CHD1: variants seen among roughly 807,000 people sequenced by gnomAD.
The protein encoded by CHD1 is ATP-dependent chromatin remodeler CHD1.
A neutral mutation model predicts 224.2 loss-of-function variants in CHD1; 36 were observed. That is an observed-to-expected ratio of 0.16 (90% CI 0.12 to 0.21). CHD1 has a LOEUF of 0.21. Ranked by LOEUF, CHD1 falls within the 10% of genes least tolerant of loss-of-function variation. CHD1 has a pLI of 1.00. For synonymous variants in CHD1, 668 were observed against 658.3 expected, an observed-to-expected ratio of 1.01 and a Z score of -0.23; for missense variants, 1,378 against 1,994.8, an observed-to-expected ratio of 0.69 and a Z score of 5.89.
At position 98,886,712 on chromosome 5, in the gene CHD1, G is replaced by A. The variant is rs534658216; in HGVS notation, c.2497-1063C>T. 1.4e-4 allele frequency among the ~76,000 whole-genome samples: 21 copies of A among 152,082 alleles called. No individual in the cohort carries two copies. The South Asian group carries it at 4.4e-3, about 32-fold the overall frequency. On this transcript the variant is annotated intron_variant, in intron 17 of 35. Transcript: ENST00000614616. ...TCTTAATTATCACCTACTCAAAGTA[G>A]GAAAACATGTCTATTAAAGTTTTAA... is the stretch of plus-strand genomic sequence containing the variant.
At chr5:98,881,850 G>T in intron 20 of CHD1, 125 bp downstream of exon 20, 1 of 816,252 alleles carries the variant, frequency 1.2e-6, no homozygotes, top group Non-Finnish European at 1.8e-6. Context: ...TTAGTCCAAA[G>T]TCTTCCAAAA....
At chr5:98,887,682 T>G (rs112526762) in intron 17 of CHD1, among the ~76,000 whole-genome samples, 552 of 152,298 alleles carry the variant, frequency 3.6e-3, no homozygotes, top group African/African-American at 0.013. Flanking sequence ...CAGATAACTA[T>G]GAGCACACCA....
intron 1 of CHD1, among the ~76,000 whole-genome samples, chr5:98,927,105 T>C (rs162160): frequency 0.051 from 7,764 of 151,992 alleles, 663 homozygotes; most frequent in African/African-American, 0.18. Context: ...GGTAAACGGA[T>C]AGTGGGATGA....
rs201178921 is a variant in CHD1 at position 98,870,659 on chromosome 5, G to A, written c.3978+28C>T. On this transcript the variant is annotated intron_variant, in intron 29 of 35. Transcript: ENST00000614616. ...AATTTACCTTACTAAAAAGTAAACT[G>A]GTCTTAGGCATGTGGGCTTTAACTT... The A allele has an allele frequency of 9.0e-6, 12 of 1,337,066 alleles. No individual in the cohort carries two copies. The African/African-American group carries it at 1.0e-4, about 12-fold the overall frequency. 82.8% of individuals were successfully genotyped at this position (1,337,066 alleles called of 1,614,324 possible).
chr5:98,919,300 A>T (rs1201154133), intron 2 of CHD1, among the ~76,000 whole-genome samples: 1 of 152,226 alleles, frequency 6.6e-6, no homozygotes, highest in Non-Finnish European at 1.5e-5. Context: ...TAATATATGC[A>T]AATTTTAAAA....
intron 16 of CHD1, among the ~76,000 whole-genome samples, chr5:98,888,744 G>A (rs2112449215): frequency 6.6e-6 from 1 of 152,294 alleles, no homozygotes; most frequent in East Asian, 1.9e-4. Context: ...ATGTCCTTTA[G>A]ATTACCATTT....
In CHD1 at chr5:98,871,054, C is replaced by CCT. The variant is rs200446991; in HGVS notation, c.3862-252_3862-251insAG. ...TATCTTTCAAAATGAAAATAGAAAG[C>CCT]ATAAGGTTGTAAATTTCCTTCAAAT... On this transcript the variant is annotated intron_variant, in intron 28 of 35. Coordinates refer to ENST00000614616, the MANE Select transcript of CHD1 (RefSeq NM_001270.4). 5.6e-3 allele frequency among the ~76,000 whole-genome samples: 849 copies of CCT among 152,000 alleles called. 8 individuals carry two copies. The highest frequency in any genetic ancestry group is 0.019 in the African/African-American group (788 of 41,474).
At chr5:98,894,765 A>G in intron 12 of CHD1, 79 bp from the exon 13 acceptor site, 1 of 616,670 alleles carries the variant, frequency 1.6e-6, no homozygotes, top group South Asian at 1.9e-5. Flanking sequence ...TAAAAATTAA[A>G]ATCCATTCAA....
Position 98,892,689 on chromosome 5 carries a change from T to C in CHD1, c.2016A>G (p.Glu672=). The C allele has an allele frequency of 1.9e-6, 3 of 1,593,462 alleles. No individual in the cohort carries two copies. Among genetic ancestry groups the C allele is most frequent in the Non-Finnish European group, 2.6e-6 (3 of 1,169,582 alleles). ...PEKFSSWEDF[E]EEHGKGREYG... is the part of the protein sequence containing the mutation. The stretch of plus-strand genomic sequence containing the variant: ...ATTCTCTCCCTTTGCCATGTTCTTC[T>C]TCAAAATCTTCCCAGGAAGAAAACC... Residue 672 remains glutamate, a synonymous_variant, in exon 15 of 36, where the codon GAA becomes GAG. Transcript: ENST00000614616.
At chr5:98,859,247 A>C (rs1275574604) in intron 33 of CHD1, among the ~76,000 whole-genome samples, 1 of 152,110 alleles carries the variant, frequency 6.6e-6, no homozygotes, top group Non-Finnish European at 1.5e-5. Context: ...GACTTAACAG[A>C]AAGGTTGCAA....
At chr5:98,885,864 T>C (rs905402011) in intron 17 of CHD1, 2 of 489,754 alleles carry the variant, frequency 4.1e-6, no homozygotes, top group East Asian at 3.3e-5. Context: ...AAATACAGCA[T>C]AGGCTGTCAT....
At chr5:98,908,847 A>G (rs542464824) in intron 2 of CHD1, among the ~76,000 whole-genome samples, 1 of 152,284 alleles carries the variant, frequency 6.6e-6, no homozygotes, top group East Asian at 1.9e-4. Flanking sequence ...TCAATTCACG[A>G]AAGAAAAACC....
At chr5:98,888,988 A>G in intron 16 of CHD1, 88 bp downstream of exon 16, 1 of 803,554 alleles carries the variant, frequency 1.2e-6, no homozygotes, top group East Asian at 2.6e-5. Flanking sequence ...TTATCCAATA[A>G]GTTAAAGCAT....
At position 98,898,342 on chromosome 5, in the gene CHD1, C is replaced by G; in HGVS notation, c.1279G>C (p.Ala427Pro). The change falls in exon 10 of 36, where the codon GCT becomes CCT. Residue 427 changes from alanine (A) to proline (P), a missense_variant. This residue lies in a region of CHD1 where 86 missense variants were observed against 97.7 expected (regional missense o/e 0.88). Coordinates refer to ENST00000614616, the MANE Select transcript of CHD1 (RefSeq NM_001270.4). Reference protein sequence around the residue: ...PYSECSWEDGALISKKFQACI... With the variant: ...PYSECSWEDGPLISKKFQACI... Reference sequence around the variant, plus strand: ...GCTTGAAACTTTTTGGAAATGAGAGCTCCATCTTCCCAGCTGCACTCTGAG... The same window carrying G: ...GCTTGAAACTTTTTGGAAATGAGAGGTCCATCTTCCCAGCTGCACTCTGAG... 1 of 1,602,616 alleles carries G rather than the reference C, an allele frequency of 6.2e-7. No individual in the cohort carries two copies. The highest frequency in any genetic ancestry group is 1.3e-5 in the African/African-American group (1 of 74,738).
At chr5:98,861,014 C>T (rs1356660673) in intron 32 of CHD1, among the ~76,000 whole-genome samples, 2 of 151,970 alleles carry the variant, frequency 1.3e-5, no homozygotes, top group African/African-American at 2.4e-5. Flanking sequence ...AATATATTTT[C>T]CCCCCAAAAA....
chr5:98,857,338 A>G (rs1026188100), intron 35 of CHD1, among the ~76,000 whole-genome samples: 6 of 152,112 alleles, frequency 3.9e-5, no homozygotes, highest in Non-Finnish European at 8.8e-5. Flanking sequence ...CCAAACTGAC[A>G]CACACACAAC....
chr5:98,867,191 A>C (rs1010210401), intron 31 of CHD1, among the ~76,000 whole-genome samples: 17 of 152,248 alleles, frequency 1.1e-4, no homozygotes, highest in African/African-American at 4.1e-4. Flanking sequence ...TAAATACATA[A>C]ATTATAATTA....
chr5:98,925,617 T>C (rs768676695), intron 2 of CHD1, among the ~76,000 whole-genome samples: 9 of 152,176 alleles, frequency 5.9e-5, no homozygotes, highest in Non-Finnish European at 1.0e-4. Context: ...ACTCAAAATT[T>C]GAGAGCTACA....
At chr5:98,889,469 T>C (rs1331621271) in intron 15 of CHD1, among the ~76,000 whole-genome samples, 3 of 152,200 alleles carry the variant, frequency 2.0e-5, no homozygotes, top group Non-Finnish European at 4.4e-5. Flanking sequence ...TGTAACATAA[T>C]TATTACAGTG....
Sources: gnomAD v4.1 joint callset for allele counts (sites outside exome capture counted in the v4.1 genomes callset) on GRCh38, gnomAD v4.1.1 for gene constraint, gnomAD v4.1.1 regional missense constraint, MANE v1.5 for transcripts, NCBI Gene and HGNC (gene_info 2026-07-23, HGNC 2026-07-21) for gene names.